The following RIMBP2 variants were observed in gnomAD, a reference collection of about 807,000 sequenced individuals.
RIMBP2 encodes the protein RIMS-binding protein 2.
RIMBP2 carries 48 observed loss-of-function variants against 118.6 expected under a neutral mutation model. The observed-to-expected ratio is 0.40, with a 90% CI of 0.32 to 0.51. RIMBP2 has a LOEUF of 0.51. Ranked by LOEUF, RIMBP2 falls within the 20% of genes least tolerant of loss-of-function variation. RIMBP2 has a pLI of 0.41. For missense variants in RIMBP2, 1,551 were observed against 1,768.3 expected (o/e 0.88, Z 2.20); for synonymous variants, 762 against 742.9 (o/e 1.03, Z -0.42).
chr12:130,532,406 T>TGG (rs2053529409), intron 2 of RIMBP2, among the ~76,000 whole-genome samples: 1 of 141,856 alleles, frequency 7.0e-6, no homozygotes, highest in Non-Finnish European at 1.6e-5. Context: ...CTCTAGGAGT[T>TGG]ACGTCTAATG....
chr12:130,457,965 A>T (rs1232073695), intron 6 of RIMBP2, among the ~76,000 whole-genome samples: 1 of 152,050 alleles, frequency 6.6e-6, no homozygotes, highest in Non-Finnish European at 1.5e-5. Flanking sequence ...GACGACACTG[A>T]CGTTTCCCCC....
intron 3 of RIMBP2, among the ~76,000 whole-genome samples, chr12:130,510,470 A>C (rs1337136644): frequency 1.3e-5 from 2 of 151,780 alleles, no homozygotes; most frequent in African/African-American, 4.8e-5. Flanking sequence ...AATGACATTT[A>C]CTCTTTCTTT....
At chr12:130,585,971 C>T (rs891793099) in intron 2 of RIMBP2, among the ~76,000 whole-genome samples, 1 of 152,204 alleles carries the variant, frequency 6.6e-6, no homozygotes, top group Non-Finnish European at 1.5e-5. Flanking sequence ...GTGGGAGCAG[C>T]TCATTGTTTT....
chr12:130,409,246 C>T (rs2075469341), intron 19 of RIMBP2, among the ~76,000 whole-genome samples: 1 of 151,414 alleles, frequency 6.6e-6, no homozygotes. Flanking sequence ...GTAGTCACTT[C>T]AGCCCAGATG....
At chr12:130,705,938 T>C (rs187444027) in intron 1 of RIMBP2, among the ~76,000 whole-genome samples, 1 of 152,256 alleles carries the variant, frequency 6.6e-6, no homozygotes, top group Non-Finnish European at 1.5e-5. Context: ...GCACACACTT[T>C]AGACAGCTCT....
intron 2 of RIMBP2, among the ~76,000 whole-genome samples, chr12:130,532,522 C>T (rs946880819): frequency 3.0e-4 from 42 of 139,880 alleles, no homozygotes; most frequent in Middle Eastern, 4.7e-3. Flanking sequence ...CTAGGAGTTA[C>T]GTCTAATGAG....
At chr12:130,671,241 C>T (rs1166982353) in intron 1 of RIMBP2, among the ~76,000 whole-genome samples, 1 of 152,132 alleles carries the variant, frequency 6.6e-6, no homozygotes, top group East Asian at 1.9e-4. Flanking sequence ...TTCCCACTTT[C>T]AGACTTCTGA....
chr12:130,655,273 C>T (rs563320197), intron 1 of RIMBP2, among the ~76,000 whole-genome samples: 1 of 152,240 alleles, frequency 6.6e-6, no homozygotes, highest in Non-Finnish European at 1.5e-5. Context: ...TTATTTTCTT[C>T]ATTGCTCTTG....
At chr12:130,558,790 T>A (rs1276432861) in intron 2 of RIMBP2, among the ~76,000 whole-genome samples, 2 of 152,206 alleles carry the variant, frequency 1.3e-5, no homozygotes, top group African/African-American at 4.8e-5. Flanking sequence ...GGGAGGAGCT[T>A]GCAATTCTGT....
At chr12:130,517,136 C>T in intron 3 of RIMBP2, among the ~76,000 whole-genome samples, 1 of 152,078 alleles carries the variant, frequency 6.6e-6, no homozygotes, top group East Asian at 1.9e-4. Context: ...TGGATAGGTC[C>T]ATTCATGGAT....
rs1267279691 is a variant in RIMBP2 at position 130,578,533 on chromosome 12, G to A, written c.-217+49789C>T. On this transcript the variant is annotated intron_variant, in intron 2 of 22. Coordinates refer to ENST00000690449, the MANE Select transcript of RIMBP2 (RefSeq NM_001393629.1). The surrounding 1 kb of genome is among the most constrained non-coding windows in gnomAD (Gnocchi z 4.1). ...CTCCTGGCCCCAGTCGTACATGCCT[G>A]TGTTCTGTTTCTCGATCATAGCAAA... Among the ~76,000 whole-genome samples the A allele has an allele frequency of 2.6e-5, 4 of 152,236 alleles. No homozygotes were observed. Among genetic ancestry groups the A allele is most frequent in the Admixed American group, 2.6e-4 (4 of 15,286 alleles).
intron 1 of RIMBP2, among the ~76,000 whole-genome samples, chr12:130,665,160 A>G (rs2063863106): frequency 6.6e-6 from 1 of 151,730 alleles, no homozygotes; most frequent in African/African-American, 2.4e-5. Context: ...CATGTGATCA[A>G]GTTAACATCC....
At chr12:130,428,047 G>T in intron 15 of RIMBP2, 132 bp downstream of exon 15, 1 of 792,752 alleles carries the variant, frequency 1.3e-6, no homozygotes, top group Non-Finnish European at 1.9e-6. Context: ...AGAAAGAAGC[G>T]AATCCAAATC....
At chr12:130,611,773 G>A (rs914665150) in intron 2 of RIMBP2, among the ~76,000 whole-genome samples, 2 of 152,130 alleles carry the variant, frequency 1.3e-5, no homozygotes, top group South Asian at 4.1e-4. Context: ...GCTCAGGCCC[G>A]GCAAGCAGGA....
chr12:130,658,516 G>C (rs1418585778), intron 1 of RIMBP2: 1 of 152,160 alleles, frequency 6.6e-6, no homozygotes, highest in African/African-American at 2.4e-5. Flanking sequence ...AAAAAAAGGA[G>C]ACCAGGAGCA....
chr12:130,664,379 G>GCA lies in RIMBP2; in HGVS notation c.-351-35925_-351-35924dup, dbSNP rs1479300929. On this transcript the variant is annotated intron_variant, in intron 1 of 22. Coordinates refer to ENST00000690449, the MANE Select transcript of RIMBP2 (RefSeq NM_001393629.1). Reference sequence around the variant, plus strand: ...CACACACATATGCACGTGCATGCACGCACGCGCATGCACACACACGCACGC... The same window carrying GCA: ...CACACACATATGCACGTGCATGCACGCACACGCGCATGCACACACACGCACGC... 8.1e-4 allele frequency among the ~76,000 whole-genome samples: 103 copies of GCA among 127,812 alleles called. 1 individual carries two copies. The highest frequency in any genetic ancestry group is 7.9e-4 in the African/African-American group (28 of 35,420). The allele number at this position is 127,812 out of a possible 152,430, so 83.8% of individuals were successfully genotyped here.
intron 1 of RIMBP2, among the ~76,000 whole-genome samples, chr12:130,682,906 G>A (rs1487766548): frequency 6.6e-6 from 1 of 152,198 alleles, no homozygotes; most frequent in Non-Finnish European, 1.5e-5. Flanking sequence ...CGAGTACCCC[G>A]AGCTATGAGC....
At chr12:130,714,895 A>G (rs1918562) in intron 1 of RIMBP2, among the ~76,000 whole-genome samples, 150,100 of 152,300 alleles carry the variant, frequency 0.99, 74,012 homozygotes, top group Middle Eastern at 1. Flanking sequence ...GGAGGGAGCC[A>G]GGGAGGGGCC....
At chr12:130,423,656 CAAAAAAA>C (rs36000671) in intron 16 of RIMBP2, among the ~76,000 whole-genome samples, 1 of 50,134 alleles carries the variant, frequency 2.0e-5, no homozygotes, top group Admixed American at 3.2e-4. Flanking sequence ...AAACAATATG[CAAAAAAA>C]AAAAAAAAAA....
Sources: allele counts gnomAD v4.1 joint callset (sites outside exome capture counted in the v4.1 genomes callset), GRCh38; gene constraint gnomAD v4.1.1; non-coding constraint Gnocchi (gnomAD v3.1); transcripts MANE v1.5; gene names NCBI Gene and HGNC (gene_info 2026-07-23, HGNC 2026-07-21).